The following NOL4 variants were observed in gnomAD, a reference collection of about 807,000 sequenced individuals.
NOL4 encodes nucleolar protein 4, also known as cancer/testis antigen 125.
Under a neutral mutation model 75.9 loss-of-function variants are expected in NOL4, and 17 were observed. That is an observed-to-expected ratio of 0.22 (90% CI 0.15 to 0.34). The LOEUF (loss-of-function observed/expected upper bound fraction) is 0.34, where lower values mean the gene tolerates loss of function less well. NOL4 is among the 10% of genes least tolerant of loss of function. NOL4 has a pLI of 1.00. For missense variants in NOL4, 614 were observed against 793.5 expected, an observed-to-expected ratio of 0.77 and a Z score of 2.72; for synonymous variants, 292 against 289.9, an observed-to-expected ratio of 1.01 and a Z score of -0.07.
intron 1 of NOL4, among the ~76,000 whole-genome samples, chr18:34,162,516 C>T (rs1174303575): frequency 6.6e-6 from 1 of 152,126 alleles, no homozygotes; most frequent in Non-Finnish European, 1.5e-5. Flanking sequence ...TGGACACATA[C>T]GCCCTCCCAA....
At chr18:34,130,166 T>G in intron 1 of NOL4, 146 bp from the exon 2 acceptor site, 1 of 710,236 alleles carries the variant, frequency 1.4e-6, no homozygotes, top group Non-Finnish European at 2.0e-6. Context: ...AATGAATATT[T>G]CAATATTTTA....
chr18:33,984,496 G>T (rs896563109), intron 6 of NOL4, among the ~76,000 whole-genome samples: 1 of 151,994 alleles, frequency 6.6e-6, no homozygotes, highest in Admixed American at 6.6e-5. Flanking sequence ...TCATGGGGGT[G>T]GTTTCTCATG....
chr18:34,200,897 C>T (rs113050727), intron 1 of NOL4, among the ~76,000 whole-genome samples: 95 of 151,648 alleles, frequency 6.3e-4, no homozygotes, highest in African/African-American at 2.2e-3. Flanking sequence ...ACCAATAAGA[C>T]AGTTCCTTAG....
At chr18:33,931,373 C>G (rs773522318) in intron 9 of NOL4, among the ~76,000 whole-genome samples, 2 of 152,118 alleles carry the variant, frequency 1.3e-5, no homozygotes, top group African/African-American at 4.8e-5. Flanking sequence ...AAGTTTACTA[C>G]AAGCCCCGAC....
chr18:33,946,490 C>A (rs879607185), intron 8 of NOL4, among the ~76,000 whole-genome samples: 3 of 151,656 alleles, frequency 2.0e-5, no homozygotes, highest in Non-Finnish European at 3.0e-5. Context: ...TGTGGAAATA[C>A]CTGAATTCAA....
At chr18:34,039,534 A>G (rs2144777842) in intron 5 of NOL4, among the ~76,000 whole-genome samples, 1 of 152,148 alleles carries the variant, frequency 6.6e-6, no homozygotes, top group South Asian at 2.1e-4. Context: ...TAAAGTTAAG[A>G]TGTGCATTTA....
intron 1 of NOL4, among the ~76,000 whole-genome samples, chr18:34,168,881 A>C (rs75758588): frequency 0.021 from 3,218 of 152,050 alleles, 58 homozygotes; most frequent in African/African-American, 0.047. Flanking sequence ...AACATTAAAA[A>C]ATAAACAAGA....
chr18:34,147,242 T>G, intron 1 of NOL4, among the ~76,000 whole-genome samples: 1 of 152,204 alleles, frequency 6.6e-6, no homozygotes, highest in African/African-American at 2.4e-5. Context: ...TGGCCAGAAC[T>G]TCCAACACTA....
chr18:34,166,151 A>G (rs1028132053), intron 1 of NOL4, among the ~76,000 whole-genome samples: 2 of 152,144 alleles, frequency 1.3e-5, no homozygotes, highest in Admixed American at 6.5e-5. Flanking sequence ...TATTTGTATA[A>G]GCTTTTCAAA....
Position 34,223,132 on chromosome 18 carries a change from T to C in NOL4, c.122A>G (p.Asn41Ser), listed in dbSNP as rs185815640. The stretch of plus-strand genomic sequence containing the variant: ...GTCCGTGGAGCTCGACTCGGAGCCA[T>C]TGAGGAGCTGGACGATCCGTTCGTA... The part of the protein sequence containing the change: ...KKYERIVQLL[N>S]GSESSSTDNA... The change falls in exon 1 of 11, where the codon AAT (asparagine) becomes AGT (serine). Residue 41 changes from asparagine (N) to serine (S), a missense_variant. Asn to Ser is a conservative substitution (Grantham distance 46, BLOSUM62 1). Transcript: ENST00000261592. 2.6e-5 allele frequency: 42 copies of C among 1,614,182 alleles called. No homozygotes were observed. The African/African-American group carries it at 3.3e-4, about 13-fold the overall frequency.
intron 10 of NOL4, among the ~76,000 whole-genome samples, chr18:33,861,407 CAAGTTT>C (rs1314883085): frequency 9.9e-5 from 15 of 152,134 alleles, no homozygotes; most frequent in Non-Finnish European, 2.9e-5. Flanking sequence ...TCTGGATTTT[CAAGTTT>C]ATTTGTGTAG....
intron 5 of NOL4, among the ~76,000 whole-genome samples, chr18:34,076,953 G>A (rs971802786): frequency 1.3e-5 from 2 of 152,050 alleles, no homozygotes; most frequent in African/African-American, 4.8e-5. Context: ...CAAATTCCCA[G>A]GGGTGCATTC....
At chr18:34,087,813 A>G (rs1314100222) in intron 5 of NOL4, among the ~76,000 whole-genome samples, 1 of 151,808 alleles carries the variant, frequency 6.6e-6, no homozygotes, top group Non-Finnish European at 1.5e-5. Context: ...TTAATATATC[A>G]TATGTGTCTT....
intron 9 of NOL4, among the ~76,000 whole-genome samples, chr18:33,926,879 T>G (rs1013330736): frequency 6.6e-6 from 1 of 152,234 alleles, no homozygotes; most frequent in South Asian, 2.1e-4. Flanking sequence ...ATTACAGGTG[T>G]GAGCCACCGG....
chr18:34,149,087 C>A (rs536985958), intron 1 of NOL4, among the ~76,000 whole-genome samples: 1 of 151,762 alleles, frequency 6.6e-6, no homozygotes, highest in South Asian at 2.1e-4. Flanking sequence ...ACAATTACAT[C>A]TTCCTGCATT....
intron 2 of NOL4, among the ~76,000 whole-genome samples, chr18:34,107,680 G>GAA (rs78952634): frequency 2.9e-4 from 29 of 101,320 alleles, no homozygotes; most frequent in South Asian, 3.4e-4. Flanking sequence ...CGCACGTAAA[G>GAA]AAAAAAAAAA....
intron 9 of NOL4, among the ~76,000 whole-genome samples, chr18:33,928,619 T>C (rs990449887): frequency 6.6e-6 from 1 of 152,164 alleles, no homozygotes; most frequent in Non-Finnish European, 1.5e-5. Flanking sequence ...CACTCAGATA[T>C]ATATTGATAT....
intron 1 of NOL4, among the ~76,000 whole-genome samples, chr18:34,203,217 T>C (rs925975915): frequency 1.6e-4 from 25 of 152,164 alleles, no homozygotes; most frequent in Admixed American, 1.5e-3. Context: ...TAGGTCCATT[T>C]TGAAATCAGA....
intron 1 of NOL4, among the ~76,000 whole-genome samples, chr18:34,219,220 GAAA>G (rs1293170801): frequency 1.3e-5 from 2 of 152,110 alleles, no homozygotes; most frequent in Admixed American, 1.3e-4. Flanking sequence ...ATATATATAA[GAAA>G]GGCATAATTT....
Sources: gnomAD v4.1 joint callset for allele counts (sites outside exome capture counted in the v4.1 genomes callset) on GRCh38, gnomAD v4.1.1 for gene constraint, MANE v1.5 for transcripts, NCBI Gene and HGNC (gene_info 2026-07-23, HGNC 2026-07-21) for gene names.